Variants in SPOCK1 observed in about 807,000 individuals in gnomAD.
SPOCK1 encodes the protein SPARC (osteonectin), cwcv and kazal like domains proteoglycan 1, also known as testican-1.
Under a neutral mutation model 55.3 loss-of-function variants are expected in SPOCK1, and 23 were observed. The observed-to-expected ratio is 0.42, with a 90% CI of 0.30 to 0.59. The LOEUF is 0.59. Among genes scored for constraint, SPOCK1 ranks in the 20% least tolerant of loss-of-function variants. SPOCK1 has a pLI of 0.22. For synonymous variants in SPOCK1, 226 were observed against 221.0 expected (o/e 1.02, Z -0.20); for missense variants, 499 against 552.5 (o/e 0.90, Z 0.97).
intron 2 of SPOCK1, among the ~76,000 whole-genome samples, chr5:137,389,462 G>A (rs1003637301): frequency 2.0e-5 from 3 of 152,252 alleles, no homozygotes; most frequent in African/African-American, 4.8e-5. Flanking sequence ...CCAGAAGCAG[G>A]AGGGACCCCT....
At chr5:137,268,511 C>T (rs904651395) in intron 2 of SPOCK1, among the ~76,000 whole-genome samples, 3 of 152,148 alleles carry the variant, frequency 2.0e-5, no homozygotes, top group Non-Finnish European at 2.9e-5. Context: ...AATACAATCC[C>T]AAACTTTTGG....
At chr5:137,396,707 C>T (rs1374038515) in intron 2 of SPOCK1, among the ~76,000 whole-genome samples, 1 of 152,206 alleles carries the variant, frequency 6.6e-6, no homozygotes, top group Non-Finnish European at 1.5e-5. Flanking sequence ...CCTAATAACC[C>T]TATGAGGTAA....
chr5:137,316,007 C>T (rs929347235), intron 2 of SPOCK1, among the ~76,000 whole-genome samples: 2 of 152,104 alleles, frequency 1.3e-5, no homozygotes, highest in African/African-American at 4.8e-5. Context: ...CTTGGCTGGT[C>T]GTTCACTTGT....
intron 3 of SPOCK1, among the ~76,000 whole-genome samples, chr5:137,187,836 C>T (rs983139885): frequency 1.3e-5 from 2 of 152,198 alleles, no homozygotes; most frequent in Non-Finnish European, 2.9e-5. Flanking sequence ...AGTGATTTCC[C>T]TGCAGATGCC....
chr5:137,386,515 A>T (rs977803648), intron 2 of SPOCK1, among the ~76,000 whole-genome samples: 1 of 152,230 alleles, frequency 6.6e-6, no homozygotes, highest in Non-Finnish European at 1.5e-5. Flanking sequence ...CTAGAAATAG[A>T]CCCACATAGA....
At chr5:136,993,830 A>G (rs1024773225) in intron 6 of SPOCK1, among the ~76,000 whole-genome samples, 1 of 152,190 alleles carries the variant, frequency 6.6e-6, no homozygotes, top group Non-Finnish European at 1.5e-5. Flanking sequence ...AGCCTCACCA[A>G]AACTCCAAGC....
chr5:137,233,994 C>T (rs1756124990), intron 3 of SPOCK1, among the ~76,000 whole-genome samples: 1 of 152,086 alleles, frequency 6.6e-6, no homozygotes, highest in Admixed American at 6.6e-5. Context: ...AGGGTTTCCT[C>T]AGACCAGGCC....
chr5:136,979,563 GA>G, intron 9 of SPOCK1, 94 bp from the exon 10 acceptor site: 1 of 1,470,436 alleles, frequency 6.8e-7, no homozygotes, highest in East Asian at 2.3e-5. Context: ...TCACATGTCA[GA>G]ATATCTGCTG....
At chr5:137,169,634 C>T (rs11957075) in intron 3 of SPOCK1, among the ~76,000 whole-genome samples, 7,626 of 152,152 alleles carry the variant, frequency 0.05, 353 homozygotes, top group East Asian at 0.13. Flanking sequence ...AATACTTTAC[C>T]GGTAAACCTC....
intron 3 of SPOCK1, among the ~76,000 whole-genome samples, chr5:137,144,714 C>T (rs1754160827): frequency 6.6e-6 from 1 of 151,638 alleles, no homozygotes; most frequent in African/African-American, 2.4e-5. Context: ...CTGGAAAGGA[C>T]TGTGGCTGCA....
chr5:137,270,605 T>C (rs1371087780), intron 2 of SPOCK1, among the ~76,000 whole-genome samples: 1 of 152,180 alleles, frequency 6.6e-6, no homozygotes, highest in African/African-American at 2.4e-5. Context: ...TTAGAGATTG[T>C]TAAAACCTGA....
chr5:137,185,808 G>A (rs191359324), intron 3 of SPOCK1, among the ~76,000 whole-genome samples: 1 of 152,250 alleles, frequency 6.6e-6, no homozygotes, highest in African/African-American at 2.4e-5. Flanking sequence ...ACTGCACAGG[G>A]AAGATGCAAG....
intron 3 of SPOCK1, among the ~76,000 whole-genome samples, chr5:137,150,279 A>G (rs539440460): frequency 3.3e-5 from 5 of 152,142 alleles, no homozygotes; most frequent in Non-Finnish European, 7.3e-5. Context: ...CCTACAACAA[A>G]CAAGTAGCTC....
At chr5:137,405,892 C>T (rs1318727336) in intron 2 of SPOCK1, among the ~76,000 whole-genome samples, 1 of 152,150 alleles carries the variant, frequency 6.6e-6, no homozygotes, top group African/African-American at 2.4e-5. Context: ...CCACAGGCTT[C>T]CTGCAATGGC....
intron 2 of SPOCK1, among the ~76,000 whole-genome samples, chr5:137,371,842 AC>A (rs1445811768): frequency 6.6e-6 from 1 of 152,126 alleles, no homozygotes; most frequent in Non-Finnish European, 1.5e-5. Context: ...CACCCATTTA[AC>A]CCTCACAGCA....
chr5:137,286,728 C>T (rs1302415978), intron 2 of SPOCK1, among the ~76,000 whole-genome samples: 2 of 152,130 alleles, frequency 1.3e-5, no homozygotes, highest in African/African-American at 4.8e-5. Flanking sequence ...GTGACAGGGA[C>T]CCAGGTACCA....
chr5:137,176,047 C>A (rs1311387460), intron 3 of SPOCK1, among the ~76,000 whole-genome samples: 1 of 152,168 alleles, frequency 6.6e-6, no homozygotes, highest in Non-Finnish European at 1.5e-5. Context: ...ACCTGGATAT[C>A]AAACCCAGAG....
chr5:137,186,820 TTCCC>T (rs1351602224), intron 3 of SPOCK1, among the ~76,000 whole-genome samples: 2 of 151,986 alleles, frequency 1.3e-5, no homozygotes, highest in Non-Finnish European at 2.9e-5. Flanking sequence ...TCCCCTTGGC[TTCCC>T]TCCCTGTCAC....
intron 6 of SPOCK1, among the ~76,000 whole-genome samples, chr5:137,064,906 C>A (rs1042000384): frequency 1.3e-5 from 2 of 152,146 alleles, no homozygotes; most frequent in African/African-American, 2.4e-5. Flanking sequence ...GTGTTCTTAT[C>A]CTGTAGGAAA....
Sources: gnomAD v4.1 joint callset for allele counts (sites outside exome capture counted in the v4.1 genomes callset) on GRCh38, gnomAD v4.1.1 for gene constraint, MANE v1.5 for transcripts, NCBI Gene and HGNC (gene_info 2026-07-23, HGNC 2026-07-21) for gene names.